Variants in GAREM1 observed in about 807,000 individuals in gnomAD.
GAREM1 encodes the protein GRB2 associated regulator of MAPK1 subtype 1.
A neutral mutation model predicts 71.3 loss-of-function variants in GAREM1; 26 were observed. That is an observed-to-expected ratio of 0.36 (90% confidence interval 0.27 to 0.51). The LOEUF (loss-of-function observed/expected upper bound fraction) is 0.51, where lower values mean the gene tolerates loss of function less well. Among genes scored for constraint, GAREM1 ranks in the 20% least tolerant of loss-of-function variants. The pLI is 0.95. For synonymous variants in GAREM1, 440 were observed against 433.2 expected (o/e 1.02, Z -0.20); for missense variants, 1,026 against 1,103.1 (o/e 0.93, Z 0.99).
At chr18:32,443,570 A>G (rs1308066244) in intron 1 of GAREM1, among the ~76,000 whole-genome samples, 1 of 152,190 alleles carries the variant, frequency 6.6e-6, no homozygotes, top group African/African-American at 2.4e-5. Flanking sequence ...CATATAAATC[A>G]AAACCACAAA....
At position 32,270,561 on chromosome 18, in the gene GAREM1, C is replaced by G. The variant is rs1350655904; in HGVS notation, c.1567-178G>C. 2.6e-5 allele frequency among the ~76,000 whole-genome samples: 4 copies of G among 152,172 alleles called. No individual in the cohort carries two copies. In the South Asian group the frequency reaches 8.3e-4, roughly 32 times the overall value. Reference sequence around the variant, plus strand: ...AGGAAGCACAGAGGCTGCCAGAGAGCAAATCAGGCGCCTGTCACACACTTG... The same window carrying G: ...AGGAAGCACAGAGGCTGCCAGAGAGGAAATCAGGCGCCTGTCACACACTTG... On this transcript the variant is annotated intron_variant, in intron 4 of 5. Transcript: ENST00000269209.
At chr18:32,364,900 ACAC>A (rs1250494541) in intron 2 of GAREM1, among the ~76,000 whole-genome samples, 3 of 152,126 alleles carry the variant, frequency 2.0e-5, no homozygotes, top group African/African-American at 4.8e-5. Context: ...ACACACACAC[ACAC>A]AAATCAAACA....
chr18:32,427,226 A>G (rs111297249), intron 1 of GAREM1, among the ~76,000 whole-genome samples: 67 of 152,352 alleles, frequency 4.4e-4, no homozygotes, highest in Middle Eastern at 3.4e-3. Flanking sequence ...TATATTGCAA[A>G]GAAAACACCT....
intron 2 of GAREM1, among the ~76,000 whole-genome samples, chr18:32,316,412 T>A (rs681347): frequency 0.27 from 40,406 of 152,174 alleles, 6,498 homozygotes; most frequent in African/African-American, 0.45. Context: ...TATTTTAAAC[T>A]TTCTCTTGTG....
chr18:32,363,991 T>A (rs114136700), intron 2 of GAREM1, among the ~76,000 whole-genome samples: 63 of 50,144 alleles, frequency 1.3e-3, no homozygotes, highest in African/African-American at 4.2e-3. Flanking sequence ...TAAATACATA[T>A]ATACATATAT....
At chr18:32,282,784 A>C (rs1219492367) in intron 4 of GAREM1, among the ~76,000 whole-genome samples, 1 of 152,228 alleles carries the variant, frequency 6.6e-6, no homozygotes, top group Admixed American at 6.5e-5. Flanking sequence ...TGATCTATTT[A>C]TAGAATTTTG....
At chr18:32,347,865 C>T (rs1168521089) in intron 2 of GAREM1, among the ~76,000 whole-genome samples, 1 of 152,178 alleles carries the variant, frequency 6.6e-6, no homozygotes, top group African/African-American at 2.4e-5. Context: ...AACCATTTCA[C>T]TCGTGTGTCA....
rs963578665 is a variant in GAREM1, at chr18:32,466,604, T to G, written c.121+3704A>C. ...GCTACTCTAACACAAGCCTTCAGGG[T>G]CTATCCAAGATGAAATGAGGAGGAG... On this transcript the variant is annotated intron_variant, in intron 1 of 5. Coordinates refer to ENST00000269209, the MANE Select transcript of GAREM1 (RefSeq NM_001242409.2). 2.0e-5 allele frequency among the ~76,000 whole-genome samples: 3 copies of G among 152,224 alleles called. No individual in the cohort carries two copies. The East Asian group carries it at 5.8e-4, about 29-fold the overall frequency.
In GAREM1 at chr18:32,446,249, T is replaced by TGTGTGTGCGC. The variant is rs141510183; in HGVS notation, c.121+24058_121+24059insGCGCACACAC. Among the ~76,000 whole-genome samples the TGTGTGTGCGC allele has an allele frequency of 1.4e-3, 207 of 151,970 alleles. 1 individual carries two copies. In the East Asian group the frequency reaches 0.021, roughly 15 times the overall value. ...GTGTGTGTGTGTGTGTGTGTGTGTG[T>TGTGTGTGCGC]GTGTATAACAACAGAATTGTTCACC... On this transcript the variant is annotated intron_variant, in intron 1 of 5. Coordinates refer to ENST00000269209, the MANE Select transcript of GAREM1 (RefSeq NM_001242409.2).
intron 1 of GAREM1, among the ~76,000 whole-genome samples, chr18:32,426,847 C>A (rs1172353038): frequency 6.6e-6 from 1 of 152,194 alleles, no homozygotes; most frequent in Non-Finnish European, 1.5e-5. Flanking sequence ...AAGATCACTG[C>A]ATTTTTAATG....
intron 1 of GAREM1, among the ~76,000 whole-genome samples, chr18:32,408,150 A>G (rs1229866278): frequency 1.3e-5 from 2 of 152,146 alleles, no homozygotes; most frequent in African/African-American, 4.8e-5. Context: ...TGCTTCTAAT[A>G]TATTCTTTCA....
At chr18:32,417,512 T>C (rs1299618376) in intron 1 of GAREM1, among the ~76,000 whole-genome samples, 1 of 152,166 alleles carries the variant, frequency 6.6e-6, no homozygotes, top group Non-Finnish European at 1.5e-5. Context: ...ATGTGGAACT[T>C]ATAGACAATG....
chr18:32,438,928 TCATTCCTATCCCCCA>T (rs2144270502), intron 1 of GAREM1, among the ~76,000 whole-genome samples: 1 of 152,276 alleles, frequency 6.6e-6, no homozygotes, highest in South Asian at 2.1e-4. Flanking sequence ...AGCACAGCTT[TCATTCCTATCCCCCA>T]CACATCCTCC....
intron 3 of GAREM1, among the ~76,000 whole-genome samples, chr18:32,300,452 C>A (rs144107297): frequency 8.2e-4 from 125 of 152,244 alleles, no homozygotes; most frequent in African/African-American, 2.9e-3. Flanking sequence ...ACAGGACAAC[C>A]ACAGGATGGC....
chr18:32,345,083 CA>C (rs1318062442), intron 2 of GAREM1, among the ~76,000 whole-genome samples: 2 of 151,810 alleles, frequency 1.3e-5, no homozygotes, highest in East Asian at 3.9e-4. Flanking sequence ...AAACAAAAAC[CA>C]AAAACCAAAC....
chr18:32,470,154 G>T lies in GAREM1; in HGVS notation c.121+154C>A. 1 of 906,008 alleles carries T rather than the reference G, an allele frequency of 1.1e-6. No homozygotes were observed. The highest frequency in any genetic ancestry group is 3.5e-5 in the South Asian group (1 of 28,508). 56.1% of individuals were successfully genotyped at this position (906,008 alleles called of 1,614,324 possible). On this transcript the variant is annotated intron_variant, in intron 1 of 5. Transcript: ENST00000269209. The surrounding 1 kb of genome is among the most constrained non-coding windows in gnomAD (Gnocchi z 4.4). The stretch of plus-strand genomic sequence containing the variant: ...GCTGCTGGGGGGAGTTGAGAGCAAC[G>T]CGCCAGGGCTGCGGCAGCCGCTCGG...
intron 3 of GAREM1, among the ~76,000 whole-genome samples, chr18:32,304,210 G>T (rs2144506342): frequency 6.6e-6 from 1 of 151,584 alleles, no homozygotes; most frequent in Admixed American, 6.6e-5. Flanking sequence ...GGGAGGCTGA[G>T]GCAGGAGAAT....
chr18:32,368,546 A>T (rs558369201), intron 2 of GAREM1, among the ~76,000 whole-genome samples: 4 of 151,988 alleles, frequency 2.6e-5, no homozygotes, highest in Non-Finnish European at 5.9e-5. Context: ...TCCTTTTTCT[A>T]CTCTGAATCA....
chr18:32,309,309 C>T (rs1472853052), intron 3 of GAREM1, among the ~76,000 whole-genome samples: 1 of 149,368 alleles, frequency 6.7e-6, no homozygotes, highest in African/African-American at 2.5e-5. Context: ...AAGGACTGCA[C>T]TGTCCCTTTA....
Sources: allele counts gnomAD v4.1 joint callset (sites outside exome capture counted in the v4.1 genomes callset), GRCh38; gene constraint gnomAD v4.1.1; non-coding constraint Gnocchi (gnomAD v3.1); transcripts MANE v1.5; gene names NCBI Gene and HGNC (gene_info 2026-07-23, HGNC 2026-07-21).